Variants in ZC3H6 observed in about 807,000 individuals in gnomAD.
ZC3H6 encodes the protein zinc finger CCCH domain-containing protein 6.
A neutral mutation model predicts 107.7 loss-of-function variants in ZC3H6; 40 were observed. The observed-to-expected ratio is 0.37, with a 90% confidence interval of 0.29 to 0.48. The LOEUF (loss-of-function observed/expected upper bound fraction) is 0.48. Among genes scored for constraint, ZC3H6 ranks in the 20% least tolerant of loss-of-function variants. The pLI is 0.98. For missense variants in ZC3H6, 1,267 were observed against 1,410.4 expected, an observed-to-expected ratio of 0.90 and a Z score of 1.63; for synonymous variants, 493 against 487.9, an observed-to-expected ratio of 1.01 and a Z score of -0.14.
intron 3 of ZC3H6, among the ~76,000 whole-genome samples, chr2:112,304,333 A>T (rs1415299873): frequency 6.6e-6 from 1 of 152,208 alleles, no homozygotes; most frequent in Admixed American, 6.5e-5. Flanking sequence ...AAAATTTTAT[A>T]GACTGGGTGG....
chr2:112,311,803 G>T lies in ZC3H6; in HGVS notation c.614-1G>T. The T allele has an allele frequency of 6.2e-7, 1 of 1,603,332 alleles. No individual in the cohort carries two copies. Among genetic ancestry groups the T allele is most frequent in the Non-Finnish European group, 8.5e-7 (1 of 1,175,324 alleles). ...ATTTAAGTACATTTTAACTTTTCTA[G>T]GTATTGAACAGAGAGTTAAAAGTTT... On this transcript the variant is annotated splice_acceptor_variant, in intron 4 of 11. Transcript: ENST00000409871. LOFTEE classifies it high-confidence loss of function.
rs1676869597 is a variant in ZC3H6 at position 112,324,526 on chromosome 2, G to T, written c.1715G>T (p.Gly572Val). The stretch of plus-strand genomic sequence containing the variant: ...CCCAGAGAGAATCACTGTTCTCCAG[G>T]TTCATCATACCAGCAAAGTCCTGGT... Reference protein sequence around the residue: ...KVPRENHCSPGSSYQQSPGEM... With the variant: ...KVPRENHCSPVSSYQQSPGEM... The change falls in exon 10 of 12, where the codon GGT (glycine) becomes GTT (valine). Residue 572 changes from glycine (G) to valine (V), a missense_variant. Around this residue, in one of 3 missense-constraint regions of ZC3H6, gnomAD observed 925 missense variants for 1,025.7 expected, o/e 0.90. Transcript: ENST00000409871. 1 of 1,612,810 alleles carries T rather than the reference G, an allele frequency of 6.2e-7. No homozygotes were observed. The highest frequency in any genetic ancestry group is 1.3e-5 in the African/African-American group (1 of 74,900).
intron 3 of ZC3H6, among the ~76,000 whole-genome samples, chr2:112,304,130 T>C (rs536686932): frequency 2.4e-4 from 37 of 152,360 alleles, no homozygotes; most frequent in Non-Finnish European, 3.8e-4. Flanking sequence ...GTGTTTTTTT[T>C]CTTTGTTTTC....
At chr2:112,320,799 T>G (rs1169164977) in intron 7 of ZC3H6, among the ~76,000 whole-genome samples, 1 of 152,156 alleles carries the variant, frequency 6.6e-6, no homozygotes, top group African/African-American at 2.4e-5. Flanking sequence ...TTAATTGTAT[T>G]GGCCACATTT....
At position 112,311,848 on chromosome 2, in the gene ZC3H6, G is replaced by A. The variant is rs1195999815; in HGVS notation, c.658G>A (p.Gly220Ser). ...AAGTTTTAATGTTGGTCGTGGACGT[G>A]GCTTGCCGAAGAAAATCAAACGAAA... is the stretch of plus-strand genomic sequence containing the variant. ...VKSFNVGRGR[G>S]LPKKIKRKER... The change falls in exon 5 of 12, where the codon GGC becomes AGC. Residue 220 changes from glycine (G) to serine (S), a missense_variant. Coordinates refer to ENST00000409871, the MANE Select transcript of ZC3H6 (RefSeq NM_198581.3). 5.6e-6 allele frequency: 9 copies of A among 1,613,380 alleles called. No homozygotes were observed. In the African/African-American group the frequency reaches 1.1e-4, roughly 19 times the overall value.
At chr2:112,277,086 C>G (rs1404185868) in intron 1 of ZC3H6, among the ~76,000 whole-genome samples, 1 of 152,122 alleles carries the variant, frequency 6.6e-6, no homozygotes, top group African/African-American at 2.4e-5. Flanking sequence ...ATCACAAACA[C>G]TGCTGAAATT....
Position 112,303,341 on chromosome 2 carries a change from C to T in ZC3H6, c.326C>T (p.Pro109Leu). Residue 109 changes from proline (P) to leucine (L), a missense_variant, in exon 3 of 12, where the codon CCA (proline) becomes CTA (leucine). Coordinates refer to ENST00000409871, the MANE Select transcript of ZC3H6 (RefSeq NM_198581.3). ...RTGFYRDYDI[P>L]FTQRGHISGS... Reference sequence around the variant, plus strand: ...GGTTTCTACAGGGATTATGACATTCCATTTACTCAGGTATTGCCATTTTTT... The same window carrying T: ...GGTTTCTACAGGGATTATGACATTCTATTTACTCAGGTATTGCCATTTTTT... The T allele has an allele frequency of 6.2e-7, 1 of 1,611,776 alleles. No homozygotes were observed. Among genetic ancestry groups the T allele is most frequent in the South Asian group, 1.1e-5 (1 of 90,674 alleles).
intron 11 of ZC3H6, among the ~76,000 whole-genome samples, chr2:112,326,949 C>A (rs1325366627): frequency 5.3e-5 from 8 of 152,136 alleles, no homozygotes; most frequent in Admixed American, 5.2e-4. Flanking sequence ...GCTTCCAAAT[C>A]TTGGTTATTG....
Position 112,311,117 on chromosome 2 carries a change from A to G in ZC3H6, c.614-687A>G, listed in dbSNP as rs1463464680. ...CTGGGGCTTTTCTTTTCAAGCTCCT[A>G]CTTGTTTGTGCTCTTAAAGAACTGA... On this transcript the variant is annotated intron_variant, in intron 4 of 11. Transcript: ENST00000409871. 6.6e-5 allele frequency among the ~76,000 whole-genome samples: 10 copies of G among 152,246 alleles called. No homozygotes were observed. In the East Asian group the frequency reaches 1.5e-3, roughly 24 times the overall value.
chr2:112,309,081 C>T (rs1573957565), intron 3 of ZC3H6, among the ~76,000 whole-genome samples: 1 of 151,898 alleles, frequency 6.6e-6, no homozygotes, highest in African/African-American at 2.4e-5. Context: ...AAATAAAATG[C>T]ACTAAGCTAA....
At chr2:112,312,753 G>A (rs552419956) in intron 5 of ZC3H6, among the ~76,000 whole-genome samples, 13 of 152,080 alleles carry the variant, frequency 8.5e-5, no homozygotes, top group African/African-American at 1.9e-4. Context: ...CCAGCTACTC[G>A]GGAGGCTGAG....
At position 112,333,951 on chromosome 2, in the gene ZC3H6, C is replaced by T. The variant is rs1389519799; in HGVS notation, c.*1463C>T. ...ATTAATAATGCATATCCTTTCTAATCACTTCTTCAATTCTTTTTGCTGCAG... is the reference window on the plus strand; with the variant it reads ...ATTAATAATGCATATCCTTTCTAATTACTTCTTCAATTCTTTTTGCTGCAG... On this transcript the variant is annotated 3_prime_UTR_variant, in exon 12 of 12. Transcript: ENST00000409871. 6.6e-6 allele frequency: 1 copy of T among 151,964 alleles called. No homozygotes were observed. The highest frequency in any genetic ancestry group is 6.6e-5 in the Admixed American group (1 of 15,260). 9.4% of individuals were successfully genotyped at this position (151,964 alleles called of 1,614,324 possible).
chr2:112,309,666 A>C (rs1676558231), intron 3 of ZC3H6, among the ~76,000 whole-genome samples: 1 of 152,226 alleles, frequency 6.6e-6, no homozygotes, highest in Middle Eastern at 3.2e-3. Flanking sequence ...CAAAGGCTAA[A>C]GCATAAAGAT....
chr2:112,310,492 C>T (rs997749061), intron 4 of ZC3H6, among the ~76,000 whole-genome samples: 1 of 152,126 alleles, frequency 6.6e-6, no homozygotes, highest in Non-Finnish European at 1.5e-5. Context: ...AAATTTAGAC[C>T]AGCTGGGAAG....
At chr2:112,320,958 T>C (rs886726436) in intron 7 of ZC3H6, among the ~76,000 whole-genome samples, 1 of 152,100 alleles carries the variant, frequency 6.6e-6, no homozygotes, top group Non-Finnish European at 1.5e-5. Flanking sequence ...TAAGAGGATT[T>C]TTTTAAACCT....
Position 112,316,251 on chromosome 2 carries a change from T to C in ZC3H6, c.748-219T>C, listed in dbSNP as rs551016452. Among the ~76,000 whole-genome samples, 442 of 136,360 alleles carry C rather than the reference T, an allele frequency of 3.2e-3. 2 individuals are homozygous for C. Among genetic ancestry groups the C allele is most frequent in the Admixed American group, 4.5e-3 (60 of 13,394 alleles). 89.5% of individuals were successfully genotyped at this position (136,360 alleles called of 152,430 possible). A position where few individuals can be genotyped will look rare whatever the true frequency, so the allele number is the denominator to read the frequency against. ...TTATTTAAAAAGTTATTCATCTTCA[T>C]TAAAATAGAAAGAAATAGGCTTTTT... On this transcript the variant is annotated intron_variant, in intron 5 of 11. Transcript: ENST00000409871.
intron 1 of ZC3H6, among the ~76,000 whole-genome samples, chr2:112,288,702 G>T (rs1485745595): frequency 6.6e-6 from 1 of 152,198 alleles, no homozygotes; most frequent in Non-Finnish European, 1.5e-5. Context: ...GTCCTTTTAA[G>T]AAATCTTTTG....
chr2:112,332,405 A>C lies in ZC3H6; in HGVS notation c.3487A>C (p.Asn1163His). The change falls in exon 12 of 12, where the codon AAT becomes CAT. Residue 1163 changes from asparagine (N) to histidine (H), a missense_variant. This residue lies in a region of ZC3H6 where 925 missense variants were observed against 1,025.7 expected (regional missense o/e 0.90). Transcript: ENST00000409871. ...AGGACAGGGGAGCCCGACCCCAGAT[A>C]ATGATCCCGGTAGAGAAACAGATGA... ...QPGQGSPTPD[N>H]DPGRETDDKS... The C allele has an allele frequency of 6.2e-7, 1 of 1,613,534 alleles. No individual in the cohort carries two copies. Among genetic ancestry groups the C allele is most frequent in the Non-Finnish European group, 8.5e-7 (1 of 1,179,882 alleles).
chr2:112,330,931 ATT>A, intron 11 of ZC3H6, 72 bp from the exon 12 acceptor site: 1 of 625,954 alleles, frequency 1.6e-6, no homozygotes, highest in Non-Finnish European at 2.1e-6. Context: ...ATAATTTATA[ATT>A]ATAATATAAT....
Sources: gnomAD v4.1 joint callset for allele counts (sites outside exome capture counted in the v4.1 genomes callset) on GRCh38, gnomAD v4.1.1 for gene constraint, gnomAD v4.1.1 regional missense constraint, MANE v1.5 for transcripts, NCBI Gene and HGNC (gene_info 2026-07-23, HGNC 2026-07-21) for gene names.